Variants in AEBP2 observed in about 807,000 individuals in gnomAD.
AEBP2 encodes AE binding protein 2, also known as zinc finger protein AEBP2.
In AEBP2, 10 loss-of-function variants were observed where a neutral mutation model predicts 50.8. The observed-to-expected ratio is 0.20, with a 90% confidence interval of 0.12 to 0.33. The LOEUF (loss-of-function observed/expected upper bound fraction) is 0.33. Among genes scored for constraint, AEBP2 ranks in the 10% least tolerant of loss-of-function variants. The pLI is 1.00. For synonymous variants in AEBP2, 296 were observed against 261.3 expected, an observed-to-expected ratio of 1.13 and a Z score of -1.28; for missense variants, 570 against 688.0, an observed-to-expected ratio of 0.83 and a Z score of 1.92.
intron 1 of AEBP2, among the ~76,000 whole-genome samples, chr12:19,449,156 TTTTCCTCAAAA>T (rs1266985326): frequency 1.3e-5 from 2 of 152,140 alleles, no homozygotes. Flanking sequence ...CATCTGATAT[TTTTCCTCAAAA>T]TTTCCTTAGG....
At chr12:19,509,814 T>A in intron 5 of AEBP2, among the ~76,000 whole-genome samples, 1 of 138,848 alleles carries the variant, frequency 7.2e-6, no homozygotes, top group Non-Finnish European at 1.5e-5. Context: ...GTAACATGGC[T>A]ACTTTCTTTT....
chr12:19,458,399 G>A (rs1487820203), intron 1 of AEBP2, among the ~76,000 whole-genome samples: 1 of 152,190 alleles, frequency 6.6e-6, no homozygotes, highest in African/African-American at 2.4e-5. Context: ...GACTCTGTGT[G>A]GGATGTCTTG....
chr12:19,440,304 G>C lies in AEBP2; in HGVS notation c.605G>C (p.Gly202Ala). ...GGCGGAAGCAGCGCGACCTCCGGGG[G>C]CCGGCGGGGCAGCTTGGAGATGTCG... ...GGGGSSATSG[G>A]RRGSLEMSSD... Residue 202 changes from glycine (G) to alanine (A), a missense_variant, in exon 1 of 8, where the codon GGC (glycine) becomes GCC (alanine). Gly to Ala is a moderately conservative substitution (Grantham distance 60). Coordinates refer to ENST00000266508, the MANE Select transcript of AEBP2 (RefSeq NM_153207.5). 2.0e-6 allele frequency: 3 copies of C among 1,467,080 alleles called. No homozygotes were observed. The highest frequency in any genetic ancestry group is 2.7e-6 in the Non-Finnish European group (3 of 1,117,862). The allele number at this position is 1,467,080 out of a possible 1,614,324, so 90.9% of individuals were successfully genotyped here. A position where few individuals can be genotyped will look rare whatever the true frequency, so the allele number is the denominator to read the frequency against.
At chr12:19,450,577 C>T (rs1948149848) in intron 1 of AEBP2, among the ~76,000 whole-genome samples, 1 of 141,958 alleles carries the variant, frequency 7.0e-6, no homozygotes, top group East Asian at 2.1e-4. Flanking sequence ...TGCCTGTAAT[C>T]TCAGCACTTT....
chr12:19,494,662 G>A lies in AEBP2; in HGVS notation c.1174+676G>A, dbSNP rs144529550. ...CCCAAAATGCTGGGATTACAGGTGT[G>A]AGCCACCACACCCAGCCGATAGCAA... On this transcript the variant is annotated intron_variant, in intron 4 of 7. Coordinates refer to ENST00000266508, the MANE Select transcript of AEBP2 (RefSeq NM_153207.5). Among the ~76,000 whole-genome samples the A allele has an allele frequency of 3.9e-5, 6 of 152,086 alleles. No homozygotes were observed. The East Asian group carries it at 9.7e-4, about 24-fold the overall frequency.
chr12:19,437,598 C>T (rs1435762955), upstream of AEBP2, among the ~76,000 whole-genome samples: 1 of 152,152 alleles, frequency 6.6e-6, no homozygotes, highest in Non-Finnish European at 1.5e-5. Flanking sequence ...CTACTTTGGC[C>T]TCCCAAAGTG....
chr12:19,516,203 A>G (rs1949315604), intron 7 of AEBP2, among the ~76,000 whole-genome samples: 1 of 152,240 alleles, frequency 6.6e-6, no homozygotes, highest in Admixed American at 6.5e-5. Context: ...GTAATCTACC[A>G]AAAATTTGGG....
Position 19,457,307 on chromosome 12 carries a change from C to G in AEBP2, c.672-5203C>G, listed in dbSNP as rs1034031768. 3 of 1,542,574 alleles carry G rather than the reference C, an allele frequency of 1.9e-6. No individual in the cohort carries two copies. The African/African-American group carries it at 4.1e-5, about 21-fold the overall frequency. On this transcript the variant is annotated intron_variant, in intron 1 of 7. Transcript: ENST00000266508. ...GCAGCAACAATCAGGACAGCACAGT[C>G]AGCCTGAGATGTCCCTGTAATCATG...
rs548143143 is a variant in AEBP2 at position 19,421,662 on chromosome 12, G to A, written c.-17+17446G>A. On this transcript the variant is annotated intron_variant, in intron 1 of 3. Transcript: ENST00000538425. ...AAAGGAAACATTCAAAAAAGAAAAC[G>A]AAACATTCAGAATGGATGCAAACCT... is the stretch of plus-strand genomic sequence containing the variant. Among the ~76,000 whole-genome samples the A allele has an allele frequency of 4.1e-4, 63 of 152,228 alleles. 2 individuals are homozygous for A. The South Asian group carries it at 0.012, about 29-fold the overall frequency.
chr12:19,451,354 C>A (rs886910741), intron 1 of AEBP2, among the ~76,000 whole-genome samples: 1 of 152,118 alleles, frequency 6.6e-6, no homozygotes, highest in Non-Finnish European at 1.5e-5. Flanking sequence ...TGGGAAGACT[C>A]AAAACAGCTG....
chr12:19,465,085 C>G (rs934685132), intron 2 of AEBP2, among the ~76,000 whole-genome samples: 7 of 152,042 alleles, frequency 4.6e-5, no homozygotes, highest in Non-Finnish European at 8.8e-5. Flanking sequence ...ATAAGATTCT[C>G]TAGCTGATTT....
At chr12:19,454,858 C>A (rs12230756) in intron 1 of AEBP2, among the ~76,000 whole-genome samples, 1 of 152,128 alleles carries the variant, frequency 6.6e-6, no homozygotes, top group East Asian at 1.9e-4. Context: ...AGAAGACTGC[C>A]GATAAGGCTT....
At chr12:19,517,358 G>T (rs1477147414) in intron 7 of AEBP2, among the ~76,000 whole-genome samples, 5 of 152,152 alleles carry the variant, frequency 3.3e-5, no homozygotes, top group Non-Finnish European at 7.3e-5. Context: ...AGTTGGTCCT[G>T]TGTATCCACA....
At chr12:19,463,405 TCA>T (rs879644260) in intron 2 of AEBP2, among the ~76,000 whole-genome samples, 1 of 152,208 alleles carries the variant, frequency 6.6e-6, no homozygotes, top group African/African-American at 2.4e-5. Flanking sequence ...TGAATAGTTA[TCA>T]CACTTAGTGC....
rs1311496465 is a variant in AEBP2, at chr12:19,500,263, G to A, written c.1299+42G>A. 6 of 1,368,988 alleles carry A rather than the reference G, an allele frequency of 4.4e-6. No homozygotes were observed. The Admixed American group carries it at 1.0e-4, about 24-fold the overall frequency. 84.8% of individuals were successfully genotyped at this position (1,368,988 alleles called of 1,614,324 possible). A position where few individuals can be genotyped will look rare whatever the true frequency, so the allele number is the denominator to read the frequency against. On this transcript the variant is annotated intron_variant, in intron 5 of 7. Transcript: ENST00000266508. ...TTTTTCAAATTAAATATAAAACTTT[G>A]CAAAAAAATATTTCCACAATCATTT...
At chr12:19,450,784 A>T (rs538615744) in intron 1 of AEBP2, among the ~76,000 whole-genome samples, 1 of 151,062 alleles carries the variant, frequency 6.6e-6, no homozygotes, top group Non-Finnish European at 1.5e-5. Context: ...TGAGGCTGCA[A>T]TGAACTATGA....
chr12:19,487,989 G>T (rs1289510501), intron 3 of AEBP2, among the ~76,000 whole-genome samples: 1 of 152,094 alleles, frequency 6.6e-6, no homozygotes, highest in Non-Finnish European at 1.5e-5. Context: ...TTGATGCATT[G>T]CAGAGCCTTG....
At chr12:19,507,711 A>G (rs991826952) in intron 5 of AEBP2, among the ~76,000 whole-genome samples, 2 of 152,158 alleles carry the variant, frequency 1.3e-5, no homozygotes, top group African/African-American at 2.4e-5. Context: ...CCATAATGAG[A>G]TAAGGTCTTC....
chr12:19,462,132 A>G (rs981855358), intron 1 of AEBP2, among the ~76,000 whole-genome samples: 3 of 152,156 alleles, frequency 2.0e-5, no homozygotes, highest in African/African-American at 4.8e-5. Context: ...TTGATTGTGA[A>G]TTATTTACAG....
Sources: allele counts gnomAD v4.1 joint callset (sites outside exome capture counted in the v4.1 genomes callset), GRCh38; gene constraint gnomAD v4.1.1; transcripts MANE v1.5; gene names NCBI Gene and HGNC (gene_info 2026-07-23, HGNC 2026-07-21).